ENPP5: variants seen among roughly 807,000 people sequenced by gnomAD.
ENPP5 encodes E-NPP 5.
ENPP5 carries 27 observed loss-of-function variants against 33.7 expected under a neutral mutation model. The ratio of observed to expected loss-of-function variants is 0.80; its 90% CI spans 0.59 to 1.11. The LOEUF (loss-of-function observed/expected upper bound fraction) is 1.11. Among genes scored for constraint, ENPP5 ranks in the 50% least tolerant of loss-of-function variants. ENPP5 has a pLI of 0.00. For synonymous variants in ENPP5, 199 were observed against 200.5 expected (o/e 0.99, Z 0.06); for missense variants, 552 against 579.2 (o/e 0.95, Z 0.48).
At position 46,160,983 on chromosome 6, in the gene ENPP5, C is replaced by T. The variant is rs548985972; in HGVS notation, c.*343G>A. ...GTGCATTTCAAATTAAAGTACCCAT[C>T]AGGAGAGAAATTTAAAGTGCAATAC... On this transcript the variant is annotated 3_prime_UTR_variant, in exon 5 of 5. Transcript: ENST00000371383. 179 of 205,040 alleles carry T rather than the reference C, an allele frequency of 8.7e-4. No individual in the cohort carries two copies. The highest frequency in any genetic ancestry group is 4.0e-3 in the African/African-American group (175 of 43,870). 12.7% of individuals were successfully genotyped at this position (205,040 alleles called of 1,614,324 possible).
At position 46,167,782 on chromosome 6, in the gene ENPP5, C is replaced by G. The variant is rs774095145; in HGVS notation, c.481G>C (p.Val161Leu). Residue 161 changes from valine to leucine, a missense_variant, in exon 3 of 5, where the codon GTT becomes CTT. By Grantham distance (32) the Val-to-Leu change is conservative. Transcript: ENST00000371383. ...TTGGCAACTCTATCTTCAAATGAAA[C>G]TGACTCATTGTAAGGCATGTAATGA... ...PTHYMPYNES[V>L]SFEDRVAKII... The G allele has an allele frequency of 6.2e-7, 1 of 1,614,108 alleles. No individual in the cohort carries two copies. The highest frequency in any genetic ancestry group is 1.1e-5 in the South Asian group (1 of 91,080).
intron 4 of ENPP5, among the ~76,000 whole-genome samples, chr6:46,164,293 AACAGAC>A (rs1764472667): frequency 6.6e-6 from 1 of 152,258 alleles, no homozygotes; most frequent in Non-Finnish European, 1.5e-5. Context: ...GAAGGACATG[AACAGAC>A]ACTTCTCAAA....
rs1242911330 is a variant in ENPP5, at chr6:46,159,575, T to A, written c.*1751A>T. 2 of 146,590 alleles carry A rather than the reference T, an allele frequency of 1.4e-5. No individual in the cohort carries two copies. Among genetic ancestry groups the A allele is most frequent in the Non-Finnish European group, 3.0e-5 (2 of 65,682 alleles). 9.1% of individuals were successfully genotyped at this position (146,590 alleles called of 1,614,324 possible). A position where few individuals can be genotyped will look rare whatever the true frequency, so the allele number is the denominator to read the frequency against. ...TCAGCTTTTTAATCTATAGGCCATT[T>A]CCAATTATTTGATTCTATTCTATTA... On this transcript the variant is annotated 3_prime_UTR_variant, in exon 5 of 5. Transcript: ENST00000371383.
At chr6:46,165,657 G>A in intron 3 of ENPP5, 94 bp from the exon 4 acceptor site, 1 of 992,018 alleles carries the variant, frequency 1.0e-6, no homozygotes, top group Non-Finnish European at 1.4e-6. Context: ...AAAAACCAGA[G>A]AGCTGAACAT....
chr6:46,164,254 AAAAC>A (rs1358488038), intron 4 of ENPP5, among the ~76,000 whole-genome samples: 1 of 152,186 alleles, frequency 6.6e-6, no homozygotes, highest in Admixed American at 6.5e-5. Context: ...TTACAAGAAA[AAAAC>A]AAACAACCCC....
At position 46,159,606 on chromosome 6, in the gene ENPP5, T is replaced by C. The variant is rs1764324276; in HGVS notation, c.*1720A>G. On this transcript the variant is annotated 3_prime_UTR_variant, in exon 5 of 5. Transcript: ENST00000371383. ...TATTTGATTCTATTCTATTAAGAGG[T>C]TTTATAATGAAATGGGAATTATGTG... The C allele has an allele frequency of 1.3e-5, 2 of 152,060 alleles. No homozygotes were observed. Among genetic ancestry groups the C allele is most frequent in the African/African-American group, 4.8e-5 (2 of 41,416 alleles). 9.4% of individuals were successfully genotyped at this position (152,060 alleles called of 1,614,324 possible).
At chr6:46,163,379 A>T (rs1581967817) in intron 4 of ENPP5, among the ~76,000 whole-genome samples, 1 of 74,156 alleles carries the variant, frequency 1.3e-5, no homozygotes, top group African/African-American at 5.5e-5. Flanking sequence ...CCCCCACCCC[A>T]CAACAGTCCC....
chr6:46,167,320 A>G, intron 3 of ENPP5, 114 bp downstream of exon 3: 1 of 706,732 alleles, frequency 1.4e-6, no homozygotes, highest in Non-Finnish European at 2.4e-6. Flanking sequence ...GAATATTACC[A>G]TGACACAGGC....
In ENPP5 at chr6:46,165,474, A is replaced by C; in HGVS notation, c.919T>G (p.Tyr307Asp). ...GGTTGAATTCGACTGTTGTATTTGT[A>C]ATGCCACCTTTCTGGAACGTCTTCT... ...KKEDVPERWH[Y>D]KYNSRIQPII... Residue 307 changes from tyrosine (Y) to aspartate (D), a missense_variant, in exon 4 of 5, where the codon TAC (tyrosine) becomes GAC (aspartate). Transcript: ENST00000371383. 6.2e-7 allele frequency: 1 copy of C among 1,611,916 alleles called. No homozygotes were observed. Among genetic ancestry groups the C allele is most frequent in the Non-Finnish European group, 8.5e-7 (1 of 1,179,558 alleles).
Position 46,160,849 on chromosome 6 carries a change from G to A in ENPP5, c.*477C>T, listed in dbSNP as rs1764369338. 1 of 155,902 alleles carries A rather than the reference G, an allele frequency of 6.4e-6. No homozygotes were observed. Among genetic ancestry groups the A allele is most frequent in the African/African-American group, 2.4e-5 (1 of 41,416 alleles). 9.7% of individuals were successfully genotyped at this position (155,902 alleles called of 1,614,324 possible). On this transcript the variant is annotated 3_prime_UTR_variant, in exon 5 of 5. Coordinates refer to ENST00000371383, the MANE Select transcript of ENPP5 (RefSeq NM_001290072.2). Reference sequence around the variant, plus strand: ...ATAGATTTCTACGTTCATTATTCGGGATTATTAGAAATTTCCTTCAGTTTG... The same window carrying A: ...ATAGATTTCTACGTTCATTATTCGGAATTATTAGAAATTTCCTTCAGTTTG...
chr6:46,165,810 C>G (rs1318559510), intron 3 of ENPP5, among the ~76,000 whole-genome samples: 1 of 152,114 alleles, frequency 6.6e-6, no homozygotes, highest in Non-Finnish European at 1.5e-5. Flanking sequence ...AATACACACA[C>G]ATATTAATTA....
intron 3 of ENPP5, among the ~76,000 whole-genome samples, chr6:46,166,206 T>G (rs1042995343): frequency 2.6e-5 from 4 of 151,490 alleles, no homozygotes; most frequent in Non-Finnish European, 4.4e-5. Context: ...CCTTCCCTCT[T>G]CCCTTCCTCC....
intron 1 of ENPP5, among the ~76,000 whole-genome samples, chr6:46,170,439 T>C (rs1490421740): frequency 6.6e-6 from 1 of 152,002 alleles, no homozygotes; most frequent in East Asian, 1.9e-4. Flanking sequence ...GTGGAATCCC[T>C]GGATCTGGCT....
intron 4 of ENPP5, chr6:46,165,079 C>T (rs1034925369): frequency 2.0e-5 from 4 of 203,000 alleles, no homozygotes; most frequent in African/African-American, 9.3e-5. Flanking sequence ...TATCTGTATA[C>T]ATCTGCCACT....
At position 46,161,754 on chromosome 6, in the gene ENPP5, C is replaced by A; in HGVS notation, c.1007-1G>T. The A allele has an allele frequency of 6.2e-7, 1 of 1,602,044 alleles. No homozygotes were observed. The highest frequency in any genetic ancestry group is 8.5e-7 in the Non-Finnish European group (1 of 1,176,394). On this transcript the variant is annotated splice_acceptor_variant, in intron 4 of 4. Transcript: ENST00000371383. LOFTEE classifies it high-confidence loss of function. ...GCATTATCGTAACCGTGGTTGCCTA[C>A]TGTAAAGAGAAAATATGTGAAAAAG...
intron 4 of ENPP5, among the ~76,000 whole-genome samples, chr6:46,162,737 G>A (rs1018622561): frequency 3.9e-5 from 6 of 152,050 alleles, no homozygotes; most frequent in African/African-American, 7.2e-5. Flanking sequence ...CAGGAAAAGC[G>A]TATCTAAAGA....
intron 2 of ENPP5, among the ~76,000 whole-genome samples, chr6:46,169,473 A>G (rs556726164): frequency 1.3e-5 from 2 of 151,680 alleles, no homozygotes; most frequent in East Asian, 3.9e-4. Context: ...GCTTACTGCA[A>G]CTTCCGCCTT....
At chr6:46,169,998 A>T (rs1013630925) in intron 2 of ENPP5, 55 bp downstream of exon 2, 4 of 152,236 alleles carry the variant, frequency 2.6e-5, no homozygotes, top group Non-Finnish European at 5.9e-5. Context: ...AAGGAACATT[A>T]AACACAGTTG....
Position 46,168,170 on chromosome 6 carries a change from T to C in ENPP5, c.93A>G (p.Leu31=), listed in dbSNP as rs1764614297. The stretch of plus-strand genomic sequence containing the variant: ...AACGGAATCCATCAAAAGAAACTAG[T>C]AGAACCTTTTGCTGGTCTGGTTGGA... ...FSLQPDQQKV[L]LVSFDGFRWD... Residue 31 remains leucine, a synonymous_variant, in exon 3 of 5, where the codon CTA becomes CTG. Coordinates refer to ENST00000371383, the MANE Select transcript of ENPP5 (RefSeq NM_001290072.2). The C allele has an allele frequency of 6.2e-7, 1 of 1,613,362 alleles. No individual in the cohort carries two copies. The highest frequency in any genetic ancestry group is 8.5e-7 in the Non-Finnish European group (1 of 1,179,482).
Sources: allele counts gnomAD v4.1 joint callset (sites outside exome capture counted in the v4.1 genomes callset), GRCh38; gene constraint gnomAD v4.1.1; transcripts MANE v1.5; gene names NCBI Gene and HGNC (gene_info 2026-07-23, HGNC 2026-07-21).